The following TMC6 variants were observed in gnomAD, a reference collection of about 807,000 sequenced individuals.
TMC6 encodes the protein transmembrane channel-like protein 6.
Under a neutral mutation model 95.4 loss-of-function variants are expected in TMC6, and 71 were observed. The observed-to-expected ratio is 0.74, with a 90% confidence interval of 0.61 to 0.91. The LOEUF (loss-of-function observed/expected upper bound fraction) is 0.91. TMC6 is among the 40% of genes least tolerant of loss of function. TMC6 has a pLI of 0.00. For missense variants in TMC6, 1,074 were observed against 1,079.1 expected, an observed-to-expected ratio of 1.00 and a Z score of 0.07; for synonymous variants, 514 against 483.1, an observed-to-expected ratio of 1.06 and a Z score of -0.84.
In TMC6 at chr17:78,122,164, C is replaced by T. The variant is rs1363726104; in HGVS notation, c.1227+441G>A. Among the ~76,000 whole-genome samples, 2 of 152,142 alleles carry T rather than the reference C, an allele frequency of 1.3e-5. No individual in the cohort carries two copies. The highest frequency in any genetic ancestry group is 2.9e-5 in the Non-Finnish European group (2 of 68,016). ...AGAGAATGTTCCACGAGGCCCGGCT[C>T]TGCAGCCTCCTGGCCCCGCAACCTC... On this transcript the variant is annotated intron_variant, in intron 10 of 19. Coordinates refer to ENST00000590602, the MANE Select transcript of TMC6 (RefSeq NM_001127198.5). This position sits in a 1 kb window ranked among gnomAD's most constrained non-coding sequence, Gnocchi z 4.9.
intron 18 of TMC6, among the ~76,000 whole-genome samples, chr17:78,116,477 T>A (rs1350415730): frequency 6.6e-6 from 1 of 152,062 alleles, no homozygotes; most frequent in Admixed American, 6.5e-5. Context: ...TTCACTCTGT[T>A]GCCCAGGCTG....
At chr17:78,131,481 C>T, upstream of TMC6, 2 of 1,467,538 alleles carry the variant, frequency 1.4e-6, no homozygotes, top group Non-Finnish European at 1.8e-6. Flanking sequence ...CGCCCCCAGC[C>T]CAGCGTGCAC....
intron 4 of TMC6, 123 bp downstream of exon 4, chr17:78,126,154 T>G: frequency 7.3e-7 from 1 of 1,378,456 alleles, no homozygotes; most frequent in South Asian, 1.3e-5. Context: ...GCCCTGGGCC[T>G]GGCTCTGAGC....
upstream of TMC6, chr17:78,131,437 G>GA (rs2074961507): frequency 4.5e-6 from 5 of 1,101,588 alleles, no homozygotes; most frequent in Admixed American, 6.4e-5. Context: ...AGGAGCCCAG[G>GA]CCCCGACGCC....
At position 78,124,976 on chromosome 17, in the gene TMC6, GCTCTTCTCT is replaced by G. The variant is rs2074627635; in HGVS notation, c.537_545del (p.Glu180_Ser182del). The G allele has an allele frequency of 5.0e-6, 8 of 1,590,494 alleles. No homozygotes were observed. The highest frequency in any genetic ancestry group is 6.8e-6 in the Non-Finnish European group (8 of 1,171,254). Reference sequence around the variant, plus strand: ...CCCTCCACTTCCCCCTCGGGGTCCTGCTCTTCTCTCTGGGGACAGAGGCAGCCATAGGTG... The same window carrying G: ...CCCTCCACTTCCCCCTCGGGGTCCTGCTGGGGACAGAGGCAGCCATAGGTG... On this transcript the variant is annotated inframe_deletion and splice_region_variant, in exon 7 of 20. Coordinates refer to ENST00000590602, the MANE Select transcript of TMC6 (RefSeq NM_001127198.5).
intron 1 of TMC6, 173 bp from the exon 2 acceptor site, chr17:78,127,079 G>C: frequency 1.7e-6 from 1 of 602,624 alleles, no homozygotes; most frequent in Non-Finnish European, 3.0e-6. Flanking sequence ...CCTCATGCCA[G>C]AATGGAATGG....
At chr17:78,132,209 C>T, upstream of TMC6, 1 of 1,372,964 alleles carries the variant, frequency 7.3e-7, no homozygotes, top group Non-Finnish European at 1.0e-6. Context: ...CACGCAGCAC[C>T]CCCAGGTGAC....
chr17:78,125,329 C>T (rs1357088015), intron 5 of TMC6, 66 bp from the exon 6 acceptor site: 3 of 1,425,568 alleles, frequency 2.1e-6, no homozygotes, highest in Non-Finnish European at 2.9e-6. Flanking sequence ...GAAGCCGGGA[C>T]CCTGGTCAGG....
chr17:78,120,365 G>A, intron 13 of TMC6: 4 of 505,828 alleles, frequency 7.9e-6, no homozygotes, highest in East Asian at 5.2e-5. Context: ...TTGCCATGCT[G>A]GCCAGGCTGG....
chr17:78,116,747 G>C (rs752951594), intron 18 of TMC6, among the ~76,000 whole-genome samples: 1 of 152,120 alleles, frequency 6.6e-6, no homozygotes, highest in African/African-American at 2.4e-5. Flanking sequence ...CCGGAGTGGC[G>C]GCAGGCCCTG....
chr17:78,131,791 C>G, upstream of TMC6: 1 of 1,540,800 alleles, frequency 6.5e-7, no homozygotes, highest in Non-Finnish European at 8.7e-7. Context: ...GCGAGGCTGC[C>G]CCGTCGGATG....
At chr17:78,123,698 G>C (rs1410685882) in intron 9 of TMC6, among the ~76,000 whole-genome samples, 1 of 149,274 alleles carries the variant, frequency 6.7e-6, no homozygotes, top group Non-Finnish European at 1.5e-5. Context: ...TGGGTGGATG[G>C]GGGGGTGAAT....
chr17:78,124,089 A>C lies in TMC6; in HGVS notation c.982T>G (p.Cys328Gly), dbSNP rs1446169271. 4.3e-6 allele frequency: 7 copies of C among 1,613,240 alleles called. No homozygotes were observed. The highest frequency in any genetic ancestry group is 2.7e-5 in the African/African-American group (2 of 74,902). Residue 328 changes from cysteine (C) to glycine (G), a missense_variant, in exon 9 of 20, where the codon TGC (cysteine) becomes GGC (glycine). Coordinates refer to ENST00000590602, the MANE Select transcript of TMC6 (RefSeq NM_001127198.5). ...GGCAGGCCACCCACCCTGGGTGTGC[A>C]CTGGCTGCCATCCAGGGGGCTGCCA... The part of the protein sequence containing the change: ...PCGSPLDGSQ[C>G]TPRVGGLPYN...
In TMC6 at chr17:78,124,137, T is replaced by G. The variant is rs767917433; in HGVS notation, c.934A>C (p.Asn312His). 11 of 1,612,764 alleles carry G rather than the reference T, an allele frequency of 6.8e-6. No homozygotes were observed. In the South Asian group the frequency reaches 1.2e-4, roughly 18 times the overall value. Residue 312 changes from asparagine to histidine, a missense_variant, in exon 9 of 20, where the codon AAC (asparagine) becomes CAC (histidine). Coordinates refer to ENST00000590602, the MANE Select transcript of TMC6 (RefSeq NM_001127198.5). ...CCACACGGCTGGTTCAGCGTGGCGTTACTGTAGTGGCCGTAGTACATGACG... is the reference window on the plus strand; with the variant it reads ...CCACACGGCTGGTTCAGCGTGGCGTGACTGTAGTGGCCGTAGTACATGACG... ...HTVMYYGHYS[N>H]ATLNQPCGSP...
intron 8 of TMC6, 129 bp from the exon 9 acceptor site, chr17:78,124,308 TGGCC>T: frequency 7.3e-7 from 1 of 1,373,516 alleles, no homozygotes; most frequent in Non-Finnish European, 9.9e-7. Context: ...GGAGGGGCCT[TGGCC>T]ACAGCAATCT....
intron 18 of TMC6, among the ~76,000 whole-genome samples, chr17:78,114,467 C>G (rs969375552): frequency 1.3e-5 from 2 of 152,238 alleles, no homozygotes; most frequent in Non-Finnish European, 2.9e-5. Context: ...ACGGGGACAT[C>G]TTTGGGGCCA....
At position 78,126,599 on chromosome 17, in the gene TMC6, G is replaced by A; in HGVS notation, c.106C>T (p.Gln36Ter). 2 of 1,613,714 alleles carry A rather than the reference G, an allele frequency of 1.2e-6. No homozygotes were observed. The highest frequency in any genetic ancestry group is 1.7e-6 in the Non-Finnish European group (2 of 1,180,002). The change falls in exon 3 of 20, where the codon CAG becomes TAG. Residue 36 changes from glutamine to a stop codon, truncating the protein, a stop_gained. Coordinates refer to ENST00000590602, the MANE Select transcript of TMC6 (RefSeq NM_001127198.5). LOFTEE classifies it high-confidence loss of function. ...DESEVHDSFQ[Q>*]LIQEQSQCTA... ...CACTGGCTCTGCTCCTGGATGAGCT[G>A]CTGGAAGGAGTCGTGCACTTCGCTT...
intron 9 of TMC6, among the ~76,000 whole-genome samples, chr17:78,123,326 C>T (rs1363610283): frequency 6.6e-6 from 1 of 152,148 alleles, no homozygotes; most frequent in African/African-American, 2.4e-5. Context: ...TTGTGGAATA[C>T]GTAGATGCAT....
In TMC6 at chr17:78,120,645, C is replaced by T. The variant is rs1262568463; in HGVS notation, c.1715+8G>A. The stretch of plus-strand genomic sequence containing the variant: ...ACTCACCACCCAGTCCGCCCAGGAC[C>T]CCCTCACCTCCACACCAGTTCCCCA... On this transcript the variant is annotated splice_region_variant and intron_variant, in intron 13 of 19. Transcript: ENST00000590602. 4 of 1,614,028 alleles carry T rather than the reference C, an allele frequency of 2.5e-6. No individual in the cohort carries two copies. Among genetic ancestry groups the T allele is most frequent in the Admixed American group, 1.7e-5 (1 of 60,024 alleles).
Sources: allele counts gnomAD v4.1 joint callset (sites outside exome capture counted in the v4.1 genomes callset), GRCh38; gene constraint gnomAD v4.1.1; non-coding constraint Gnocchi (gnomAD v3.1); transcripts MANE v1.5; gene names NCBI Gene and HGNC (gene_info 2026-07-23, HGNC 2026-07-21).